Variants in MAN1A1 observed in about 807,000 individuals in gnomAD.
MAN1A1 encodes the protein mannosidase alpha class 1A member 1, also known as mannosyl-oligosaccharide 1,2-alpha-mannosidase IA.
In MAN1A1, 29 loss-of-function variants were observed where a neutral mutation model predicts 70.8. That is an observed-to-expected ratio of 0.41 (90% CI 0.31 to 0.56). The LOEUF (loss-of-function observed/expected upper bound fraction) is 0.56, where lower values mean the gene tolerates loss of function less well. MAN1A1 is among the 20% of genes least tolerant of loss of function. The pLI is 0.29. For synonymous variants in MAN1A1, 349 were observed against 330.1 expected, an observed-to-expected ratio of 1.06 and a Z score of -0.62; for missense variants, 747 against 841.3, an observed-to-expected ratio of 0.89 and a Z score of 1.39.
At position 119,189,710 on chromosome 6, in the gene MAN1A1, G is replaced by A. The variant is rs201625615; in HGVS notation, c.1500C>T (p.Leu500=). Residue 500 remains leucine (L), a synonymous_variant, in exon 10 of 13, where the codon CTC becomes CTT. Coordinates refer to ENST00000368468, the MANE Select transcript of MAN1A1 (RefSeq NM_005907.4). ...PEGMAQHYLE[L]GAEIARTCHE... Reference sequence around the variant, plus strand: ...GACAAGTACGGGCAATTTCAGCCCCGAGTTCAAGGTAGTGTTGGGCCATGC... The same window carrying A: ...GACAAGTACGGGCAATTTCAGCCCCAAGTTCAAGGTAGTGTTGGGCCATGC... 52 of 1,613,988 alleles carry A rather than the reference G, an allele frequency of 3.2e-5. No individual in the cohort carries two copies. Among genetic ancestry groups the A allele is most frequent in the Admixed American group, 2.5e-4 (15 of 59,998 alleles).
At chr6:119,269,613 G>T in intron 5 of MAN1A1, 1 of 173,198 alleles carries the variant, frequency 5.8e-6, no homozygotes. Flanking sequence ...TGCAGTGCAC[G>T]ACCACCACCT....
At chr6:119,231,990 T>G (rs1182434906) in intron 6 of MAN1A1, among the ~76,000 whole-genome samples, 1 of 152,174 alleles carries the variant, frequency 6.6e-6, no homozygotes, top group Non-Finnish European at 1.5e-5. Context: ...TAATGAAAGG[T>G]GGTTGTATAT....
intron 2 of MAN1A1, among the ~76,000 whole-genome samples, chr6:119,307,386 C>T (rs1772561923): frequency 6.6e-6 from 1 of 152,134 alleles, no homozygotes; most frequent in Non-Finnish European, 1.5e-5. Context: ...TATTTCTGCA[C>T]AAAGTTCTTC....
At chr6:119,327,562 G>A (rs1191856055) in intron 2 of MAN1A1, among the ~76,000 whole-genome samples, 1 of 151,726 alleles carries the variant, frequency 6.6e-6, no homozygotes, top group African/African-American at 2.4e-5. Context: ...GCTAATTTTT[G>A]TATTTTTAAT....
At chr6:119,294,933 C>T (rs1196226688) in intron 4 of MAN1A1, among the ~76,000 whole-genome samples, 3 of 152,004 alleles carry the variant, frequency 2.0e-5, no homozygotes, top group African/African-American at 7.2e-5. Context: ...TAACTTCCAC[C>T]TTAGATCTAT....
chr6:119,247,225 C>T (rs1400520515), intron 6 of MAN1A1, among the ~76,000 whole-genome samples: 1 of 152,110 alleles, frequency 6.6e-6, no homozygotes, highest in Non-Finnish European at 1.5e-5. Flanking sequence ...TGTTTCTAAA[C>T]CAGAAAGCTG....
chr6:119,265,858 T>A (rs957029042), intron 5 of MAN1A1, among the ~76,000 whole-genome samples: 77 of 152,278 alleles, frequency 5.1e-4, no homozygotes, highest in African/African-American at 1.8e-3. Flanking sequence ...ATGACATATT[T>A]TCTATGCAGA....
intron 6 of MAN1A1, among the ~76,000 whole-genome samples, chr6:119,206,747 TCATGA>T (rs1298651447): frequency 6.6e-6 from 1 of 152,252 alleles, no homozygotes; most frequent in African/African-American, 2.4e-5. Context: ...TAACTAGTTG[TCATGA>T]CATATCACTG....
At chr6:119,335,320 C>T (rs554919629) in intron 2 of MAN1A1, among the ~76,000 whole-genome samples, 48 of 152,296 alleles carry the variant, frequency 3.2e-4, no homozygotes, top group African/African-American at 1.2e-3. Context: ...AGGCATTGCG[C>T]TGAGAGATTC....
At chr6:119,309,836 C>T (rs890454581) in intron 2 of MAN1A1, among the ~76,000 whole-genome samples, 3 of 152,072 alleles carry the variant, frequency 2.0e-5, no homozygotes, top group Non-Finnish European at 4.4e-5. Flanking sequence ...AATAGTATTA[C>T]TTCCCCTTGA....
intron 6 of MAN1A1, among the ~76,000 whole-genome samples, chr6:119,234,721 T>C (rs1582721146): frequency 6.6e-6 from 1 of 152,222 alleles, no homozygotes; most frequent in East Asian, 1.9e-4. Flanking sequence ...AGCCACATAA[T>C]TCTACATATT....
chr6:119,182,708 G>A lies in MAN1A1; in HGVS notation c.1720-2281C>T, dbSNP rs551169749. On this transcript the variant is annotated intron_variant, in intron 11 of 12. Transcript: ENST00000368468. ...GCAATCTGGTTCTCATTTATTGACTGTAGACAAAAATAATAAAGTTTAAGA... is the reference window on the plus strand; with the variant it reads ...GCAATCTGGTTCTCATTTATTGACTATAGACAAAAATAATAAAGTTTAAGA... 2.0e-5 allele frequency among the ~76,000 whole-genome samples: 3 copies of A among 152,102 alleles called. No individual in the cohort carries two copies. In the South Asian group the frequency reaches 6.2e-4, roughly 32 times the overall value.
intron 2 of MAN1A1, among the ~76,000 whole-genome samples, chr6:119,340,426 A>G (rs548654902): frequency 6.6e-6 from 1 of 152,230 alleles, no homozygotes; most frequent in East Asian, 1.9e-4. Context: ...TGTCACTTAG[A>G]AGAATTGAGT....
At chr6:119,209,995 T>C (rs1773997336) in intron 6 of MAN1A1, among the ~76,000 whole-genome samples, 1 of 134,806 alleles carries the variant, frequency 7.4e-6, no homozygotes, top group African/African-American at 2.7e-5. Context: ...CAAAATAATG[T>C]TTAAAATTAG....
intron 4 of MAN1A1, among the ~76,000 whole-genome samples, chr6:119,299,298 T>C (rs1015810256): frequency 1.3e-5 from 2 of 152,122 alleles, no homozygotes; most frequent in African/African-American, 4.8e-5. Context: ...AACATTATTG[T>C]TTGGATATTG....
chr6:119,295,511 T>G (rs923374147), intron 4 of MAN1A1, among the ~76,000 whole-genome samples: 3 of 152,156 alleles, frequency 2.0e-5, no homozygotes. Flanking sequence ...GTCACACTTA[T>G]ATTAGAATTC....
At chr6:119,331,115 T>G (rs1204619892) in intron 2 of MAN1A1, among the ~76,000 whole-genome samples, 1 of 152,148 alleles carries the variant, frequency 6.6e-6, no homozygotes, top group Non-Finnish European at 1.5e-5. Flanking sequence ...ATTATTTGGG[T>G]TTGAATGATA....
At chr6:119,280,267 T>C (rs1486198529) in intron 5 of MAN1A1, among the ~76,000 whole-genome samples, 1 of 152,228 alleles carries the variant, frequency 6.6e-6, no homozygotes, top group East Asian at 1.9e-4. Context: ...ACTCAGTAGC[T>C]GGGAGCCAGA....
rs1223072109 is a variant in MAN1A1 at position 119,348,557 on chromosome 6, C to A, written c.509G>T (p.Gly170Val). The change falls in exon 2 of 13, where the codon GGC (glycine) becomes GTC (valine). Residue 170 changes from glycine (G) to valine (V), a missense_variant. Transcript: ENST00000368468. ...DQLRDKAPFR[G>V]LPPVDFVPPI... ...GGGCACGAAGTCCACCGGGGGCAGG[C>A]CTCTGAACGGCGCCTTGTCACGCAG... is the stretch of plus-strand genomic sequence containing the variant. 6.2e-7 allele frequency: 1 copy of A among 1,613,514 alleles called. No individual in the cohort carries two copies. The highest frequency in any genetic ancestry group is 8.5e-7 in the Non-Finnish European group (1 of 1,179,800).
Sources: gnomAD v4.1 joint callset for allele counts (sites outside exome capture counted in the v4.1 genomes callset) on GRCh38, gnomAD v4.1.1 for gene constraint, MANE v1.5 for transcripts, NCBI Gene and HGNC (gene_info 2026-07-23, HGNC 2026-07-21) for gene names.